The following ZNF804B variants were observed in gnomAD, a reference collection of about 807,000 sequenced individuals.
ZNF804B encodes the protein zinc finger 804B.
In ZNF804B, 80 loss-of-function variants were observed where a neutral mutation model predicts 101.4. The ratio of observed to expected loss-of-function variants is 0.79; its 90% CI spans 0.66 to 0.95. ZNF804B has a LOEUF of 0.95. Ranked by LOEUF, ZNF804B falls within the 40% of genes least tolerant of loss-of-function variation. The pLI is 0.00. For synonymous variants in ZNF804B, 622 were observed against 558.8 expected (o/e 1.11, Z -1.59); for missense variants, 1,673 against 1,561.9 (o/e 1.07, Z -1.20).
rs563380868 is a variant in ZNF804B at position 88,926,625 on chromosome 7, A to G, written c.108+166541A>G. Among the ~76,000 whole-genome samples the G allele has an allele frequency of 3.9e-5, 6 of 152,076 alleles. No homozygotes were observed. The East Asian group carries it at 7.8e-4, about 20-fold the overall frequency. On this transcript the variant is annotated intron_variant, in intron 1 of 3. Coordinates refer to ENST00000333190, the MANE Select transcript of ZNF804B (RefSeq NM_181646.5). Reference sequence around the variant, plus strand: ...TCCATCTCAAAATAAGTAAGTAAATACATAAATTAATTAATTAAAAGGAAC... The same window carrying G: ...TCCATCTCAAAATAAGTAAGTAAATGCATAAATTAATTAATTAAAAGGAAC...
intron 1 of ZNF804B, among the ~76,000 whole-genome samples, chr7:89,171,979 TG>T (rs1199839713): frequency 6.6e-6 from 1 of 150,872 alleles, no homozygotes; most frequent in African/African-American, 2.4e-5. Context: ...ATATAGTCCC[TG>T]ACACTTACAG....
intron 1 of ZNF804B, among the ~76,000 whole-genome samples, chr7:89,199,864 A>C (rs1454120398): frequency 6.7e-6 from 1 of 148,562 alleles, no homozygotes; most frequent in South Asian, 2.1e-4. Context: ...ATATGTATAC[A>C]TTATATATGT....
intron 1 of ZNF804B, among the ~76,000 whole-genome samples, chr7:89,129,492 T>A (rs1360266576): frequency 6.6e-6 from 1 of 151,962 alleles, no homozygotes; most frequent in African/African-American, 2.4e-5. Flanking sequence ...AACAGGATAT[T>A]AAAATGGGCT....
intron 1 of ZNF804B, among the ~76,000 whole-genome samples, chr7:88,857,001 C>T (rs1388864074): frequency 2.6e-5 from 4 of 151,970 alleles, no homozygotes; most frequent in African/African-American, 4.8e-5. Context: ...CTGCTGGATT[C>T]GGTTCGCCAG....
At chr7:88,856,540 T>A (rs1791562206) in intron 1 of ZNF804B, among the ~76,000 whole-genome samples, 1 of 152,144 alleles carries the variant, frequency 6.6e-6, no homozygotes, top group Non-Finnish European at 1.5e-5. Context: ...TACACAATCA[T>A]GTCGTCTGCA....
At chr7:89,092,155 C>G (rs557402364) in intron 1 of ZNF804B, among the ~76,000 whole-genome samples, 34 of 151,430 alleles carry the variant, frequency 2.2e-4, no homozygotes, top group African/African-American at 7.5e-4. Context: ...TTAGATGGTG[C>G]CTTTTAGCTG....
chr7:89,257,326 G>T (rs931470071), intron 2 of ZNF804B, among the ~76,000 whole-genome samples: 1 of 151,976 alleles, frequency 6.6e-6, no homozygotes, highest in Non-Finnish European at 1.5e-5. Flanking sequence ...GTTCTGCATG[G>T]TTGTTCCTTC....
At chr7:89,307,823 A>G (rs1790587959) in intron 2 of ZNF804B, among the ~76,000 whole-genome samples, 1 of 152,018 alleles carries the variant, frequency 6.6e-6, no homozygotes, top group Non-Finnish European at 1.5e-5. Flanking sequence ...CTCTGAAAAT[A>G]CAACCCAGTT....
chr7:89,000,679 T>C (rs1788272859), intron 1 of ZNF804B, among the ~76,000 whole-genome samples: 1 of 151,790 alleles, frequency 6.6e-6, no homozygotes, highest in Non-Finnish European at 1.5e-5. Flanking sequence ...CTACTGTCTG[T>C]TTCAATGAGT....
At chr7:89,132,252 A>G (rs1045839291) in intron 1 of ZNF804B, among the ~76,000 whole-genome samples, 1 of 151,940 alleles carries the variant, frequency 6.6e-6, no homozygotes, top group Non-Finnish European at 1.5e-5. Flanking sequence ...ACACAAGACT[A>G]TAGGTGTTCA....
chr7:88,998,659 T>C (rs1345542421), intron 1 of ZNF804B, among the ~76,000 whole-genome samples: 1 of 152,024 alleles, frequency 6.6e-6, no homozygotes, highest in Non-Finnish European at 1.5e-5. Flanking sequence ...GTGATCCCTA[T>C]GATATGAATT....
intron 1 of ZNF804B, among the ~76,000 whole-genome samples, chr7:88,946,907 G>T (rs189807545): frequency 6.6e-6 from 1 of 151,374 alleles, no homozygotes; most frequent in African/African-American, 2.4e-5. Context: ...ATAAACATAC[G>T]AAAAAAAAGC....
At chr7:89,285,313 G>A (rs541401528) in intron 2 of ZNF804B, among the ~76,000 whole-genome samples, 1 of 151,648 alleles carries the variant, frequency 6.6e-6, no homozygotes, top group East Asian at 2.0e-4. Flanking sequence ...ATGAGGTCAG[G>A]AGATCGAGAC....
intron 1 of ZNF804B, among the ~76,000 whole-genome samples, chr7:88,891,403 T>C (rs1052250021): frequency 1.3e-5 from 2 of 152,088 alleles, no homozygotes; most frequent in African/African-American, 4.8e-5. Context: ...CATTTTTATT[T>C]TGTTTGCCTT....
At chr7:89,011,479 C>G (rs1788461523) in intron 1 of ZNF804B, among the ~76,000 whole-genome samples, 1 of 152,134 alleles carries the variant, frequency 6.6e-6, no homozygotes. Flanking sequence ...ACAAGGAAGT[C>G]TTTTCCACCT....
chr7:89,203,099 G>T (rs1431579428), intron 1 of ZNF804B, among the ~76,000 whole-genome samples: 4 of 152,022 alleles, frequency 2.6e-5, no homozygotes, highest in Non-Finnish European at 4.4e-5. Context: ...TTGTTGAGTT[G>T]ACACCAGTGG....
At chr7:88,961,517 C>G (rs1389086125) in intron 1 of ZNF804B, among the ~76,000 whole-genome samples, 1 of 151,274 alleles carries the variant, frequency 6.6e-6, no homozygotes, top group Non-Finnish European at 1.5e-5. Context: ...TTTTATATCC[C>G]TAAATGCAGC....
At chr7:89,190,204 G>A (rs945029629) in intron 1 of ZNF804B, among the ~76,000 whole-genome samples, 9 of 151,724 alleles carry the variant, frequency 5.9e-5, no homozygotes, top group South Asian at 2.1e-4. Flanking sequence ...GCATAGTGGC[G>A]CACACCTGTA....
At chr7:88,932,474 G>T (rs1792901421) in intron 1 of ZNF804B, among the ~76,000 whole-genome samples, 1 of 151,676 alleles carries the variant, frequency 6.6e-6, no homozygotes. Flanking sequence ...TCTTTGAAAA[G>T]ATAAACAAAA....
Sources: gnomAD v4.1 joint callset for allele counts (sites outside exome capture counted in the v4.1 genomes callset) on GRCh38, gnomAD v4.1.1 for gene constraint, MANE v1.5 for transcripts, NCBI Gene and HGNC (gene_info 2026-07-23, HGNC 2026-07-21) for gene names.